The following BTBD2 variants were observed in gnomAD, a reference collection of about 807,000 sequenced individuals.
The protein encoded by BTBD2 is BTB domain containing 2.
In BTBD2, 15 loss-of-function variants were observed where a neutral mutation model predicts 44.0. The observed-to-expected ratio is 0.34, with a 90% confidence interval of 0.23 to 0.53. The LOEUF is 0.53. Ranked by LOEUF, BTBD2 falls within the 20% of genes least tolerant of loss-of-function variation. The pLI, the probability that BTBD2 is intolerant of heterozygous loss-of-function variation, is 0.95. For missense variants in BTBD2, 657 were observed against 746.4 expected (o/e 0.88, Z 1.39); for synonymous variants, 443 against 335.9 (o/e 1.32, Z -3.49).
In BTBD2 at chr19:1,986,378, C is replaced by T; in HGVS notation, c.*110G>A. On this transcript the variant is annotated 3_prime_UTR_variant, in exon 9 of 9. Coordinates refer to ENST00000255608, the MANE Select transcript of BTBD2 (RefSeq NM_017797.4). ...AGGTGGCATGGAGTGGACAGACGGC[C>T]TGGGGGACACTGGGCCTGGCACCGC... 2.9e-6 allele frequency: 4 copies of T among 1,366,402 alleles called. No homozygotes were observed. The highest frequency in any genetic ancestry group is 4.1e-6 in the Non-Finnish European group (4 of 976,644). 84.6% of individuals were successfully genotyped at this position (1,366,402 alleles called of 1,614,324 possible). A position where few individuals can be genotyped will look rare whatever the true frequency, so the allele number is the denominator to read the frequency against.
At position 1,990,069 on chromosome 19, in the gene BTBD2, T is replaced by G. The variant is rs777055280; in HGVS notation, c.923A>C (p.Lys308Thr). The part of the protein sequence containing the change: ...QLQVTPENRR[K>T]VLGKALGLIR... ...GAGGCCCAGGGCCTTGCCCAGAACC[T>G]TCCGCCTGTTCTCTGGCGTCACCTG... The change falls in exon 5 of 9, where the codon AAG (lysine) becomes ACG (threonine). Residue 308 changes from lysine to threonine, a missense_variant. By Grantham distance (78) the Lys-to-Thr change is moderately conservative. Transcript: ENST00000255608. The G allele has an allele frequency of 1.2e-6, 2 of 1,613,354 alleles. No individual in the cohort carries two copies. The highest frequency in any genetic ancestry group is 2.2e-5 in the South Asian group (2 of 91,088).
Position 2,015,498 on chromosome 19 carries a change from G to T in BTBD2, c.206C>A (p.Ala69Glu). Residue 69 changes from alanine to glutamate, a missense_variant, in exon 1 of 9, where the codon GCG becomes GAG. By Grantham distance (107) the Ala-to-Glu change is moderately radical (BLOSUM62 -1). Coordinates refer to ENST00000255608, the MANE Select transcript of BTBD2 (RefSeq NM_017797.4). ...CGCCCGCTCCGCGCCCGCGGCCTGC[G>T]CGTCTGTCCCGGGGCCCGGCGGGGC... ...PPAPPGPGTD[A>E]QAAGAERAEE... 9.0e-7 allele frequency: 1 copy of T among 1,111,782 alleles called. No individual in the cohort carries two copies. The highest frequency in any genetic ancestry group is 1.7e-5 in the African/African-American group (1 of 59,178). The allele number at this position is 1,111,782 out of a possible 1,614,324, so 68.9% of individuals were successfully genotyped here. A position where few individuals can be genotyped will look rare whatever the true frequency, so the allele number is the denominator to read the frequency against.
rs1599364998 is a variant in BTBD2, at chr19:2,015,682, C to A, written c.22G>T (p.Gly8Trp). 2.1e-5 allele frequency: 21 copies of A among 981,906 alleles called. No individual in the cohort carries two copies. The highest frequency in any genetic ancestry group is 2.5e-5 in the Non-Finnish European group (21 of 833,086). The allele number at this position is 981,906 out of a possible 1,614,324, so 60.8% of individuals were successfully genotyped here. A position where few individuals can be genotyped will look rare whatever the true frequency, so the allele number is the denominator to read the frequency against. MAAGGSG[G>W]RASCPPGVGV... ...ACCCCCGGCGGGCACGACGCACGCCCGCCGCTCCCACCCGCCGCCATTTTG... is the reference window on the plus strand; with the variant it reads ...ACCCCCGGCGGGCACGACGCACGCCAGCCGCTCCCACCCGCCGCCATTTTG... The change falls in exon 1 of 9, where the codon GGG becomes TGG. Residue 8 changes from glycine to tryptophan, a missense_variant. Transcript: ENST00000255608.
At position 1,986,812 on chromosome 19, in the gene BTBD2, CT is replaced by C. The variant is rs2016091191; in HGVS notation, c.1416+17del. The C allele has an allele frequency of 6.3e-7, 1 of 1,594,388 alleles. No homozygotes were observed. Among genetic ancestry groups the C allele is most frequent in the Non-Finnish European group, 8.5e-7 (1 of 1,169,950 alleles). ...GCCAGAGACTCCCACGGAGGGACCC[CT>C]GTCCCCGGCGGCGCACCTTGAGCGT... On this transcript the variant is annotated intron_variant, in intron 8 of 8. Transcript: ENST00000255608.
At chr19:1,997,184 A>AG (rs2016262123) in intron 2 of BTBD2, among the ~76,000 whole-genome samples, 160 bp downstream of exon 2, 2 of 151,892 alleles carry the variant, frequency 1.3e-5, no homozygotes, top group African/African-American at 2.4e-5. Flanking sequence ...CATCTCAAAA[A>AG]GAAAAAAAAA....
At chr19:2,011,022 C>T (rs2016457840) in intron 1 of BTBD2, among the ~76,000 whole-genome samples, 1 of 152,044 alleles carries the variant, frequency 6.6e-6, no homozygotes, top group African/African-American at 2.4e-5. Flanking sequence ...AGCCCCAGGA[C>T]AGATGTGTCT....
chr19:1,993,271 AC>A, intron 2 of BTBD2, 95 bp from the exon 3 acceptor site: 1 of 1,444,962 alleles, frequency 6.9e-7, no homozygotes, highest in East Asian at 2.7e-5. Context: ...AGACTCGGCC[AC>A]CGGCCCTTGA....
rs2016087413 is a variant in BTBD2, at chr19:1,986,631, C to T, written c.1435G>A (p.Gly479Ser). 1.2e-6 allele frequency: 2 copies of T among 1,613,798 alleles called. No individual in the cohort carries two copies. The highest frequency in any genetic ancestry group is 1.1e-5 in the South Asian group (1 of 91,082). The change falls in exon 9 of 9, where the codon GGC becomes AGC. Residue 479 changes from glycine (G) to serine (S), a missense_variant. Physicochemically the swap from Gly to Ser is moderately conservative, Grantham distance 56. This residue lies in a region of BTBD2 where 449 missense variants were observed against 510.9 expected (regional missense o/e 0.88). Transcript: ENST00000255608. ...ATLKGPDSHY[G>S]TKGLRKVTHE... Reference sequence around the variant, plus strand: ...GTCACCTTGCGCAGGCCTTTGGTGCCGTAGTGGGAGTCTGGGCCCTGTAGG... The same window carrying T: ...GTCACCTTGCGCAGGCCTTTGGTGCTGTAGTGGGAGTCTGGGCCCTGTAGG...
intron 1 of BTBD2, among the ~76,000 whole-genome samples, chr19:1,997,730 CCTCT>C (rs925843762): frequency 2.0e-5 from 3 of 151,960 alleles, no homozygotes; most frequent in Admixed American, 6.6e-5. Context: ...CCCTCACCAT[CCTCT>C]CTCTTTCCTT....
chr19:1,993,037 A>G lies in BTBD2; in HGVS notation c.667T>C (p.Phe223Leu). 1 of 1,597,326 alleles carries G rather than the reference A, an allele frequency of 6.3e-7. No individual in the cohort carries two copies. Among genetic ancestry groups the G allele is most frequent in the Non-Finnish European group, 8.5e-7 (1 of 1,176,556 alleles). The change falls in exon 3 of 9, where the codon TTC (phenylalanine) becomes CTC (leucine). Residue 223 changes from phenylalanine (F) to leucine (L), a missense_variant. By Grantham distance (22) the Phe-to-Leu change is conservative. This residue lies in a region of BTBD2 where 449 missense variants were observed against 510.9 expected (regional missense o/e 0.88). Coordinates refer to ENST00000255608, the MANE Select transcript of BTBD2 (RefSeq NM_017797.4). ...CCGCCCACCTGCGTGAGCAGCATGA[A>G]GGCGTTGTCGGCTCGCAGGTTCTTC... ...LKKNLRADNA[F>L]MLLTQARLFD...
intron 1 of BTBD2, 137 bp from the exon 2 acceptor site, chr19:1,997,600 A>G (rs2016268640): frequency 1.5e-6 from 2 of 1,308,828 alleles, no homozygotes; most frequent in African/African-American, 1.5e-5. Flanking sequence ...AGGCCCCCCG[A>G]TGGCAGAGGC....
intron 2 of BTBD2, 125 bp from the exon 3 acceptor site, chr19:1,993,301 C>A: frequency 7.4e-7 from 1 of 1,342,600 alleles, no homozygotes; most frequent in Non-Finnish European, 9.9e-7. Flanking sequence ...GACCCAAACA[C>A]CCACATCAGG....
chr19:2,012,339 A>T (rs926018291), intron 1 of BTBD2, among the ~76,000 whole-genome samples: 2 of 149,108 alleles, frequency 1.3e-5, no homozygotes, highest in African/African-American at 5.1e-5. Context: ...TTTTGTAGAG[A>T]CAGGGTTTCA....
At chr19:2,014,261 G>C (rs1375922340) in intron 1 of BTBD2, 1 of 152,372 alleles carries the variant, frequency 6.6e-6, no homozygotes, top group Non-Finnish European at 1.5e-5. Context: ...TGGGGATGGA[G>C]GGGTCCTGAG....
At position 2,009,158 on chromosome 19, in the gene BTBD2, A is replaced by G. The variant is rs900502933; in HGVS notation, c.407+6139T>C. On this transcript the variant is annotated intron_variant, in intron 1 of 8. Coordinates refer to ENST00000255608, the MANE Select transcript of BTBD2 (RefSeq NM_017797.4). The stretch of plus-strand genomic sequence containing the variant: ...CTCAGCCTCCCCAGTAGCTGGGGTT[A>G]CAGGCGCTCGCCACCACGCCCGGCT... Among the ~76,000 whole-genome samples, 4 of 151,702 alleles carry G rather than the reference A, an allele frequency of 2.6e-5. No individual in the cohort carries two copies. The East Asian group carries it at 7.8e-4, about 30-fold the overall frequency.
chr19:1,990,288 G>T, intron 4 of BTBD2, 87 bp from the exon 5 acceptor site: 2 of 1,443,650 alleles, frequency 1.4e-6, no homozygotes, highest in Non-Finnish European at 1.9e-6. Flanking sequence ...AGGACCAGCA[G>T]TTAAAGCCGG....
At chr19:1,993,995 C>CAAAAAA (rs542137742) in intron 2 of BTBD2, among the ~76,000 whole-genome samples, 11 of 24,962 alleles carry the variant, frequency 4.4e-4, no homozygotes, top group Non-Finnish European at 7.1e-4. Flanking sequence ...GAATCCGTCT[C>CAAAAAA]AAAAAAAAAA....
In BTBD2 at chr19:2,015,575, G is replaced by GGCGGCGGCGGCC. The variant is rs2016525386; in HGVS notation, c.128_129insGGCCGCCGCCGC (p.Ala51_Ala54dup). The GGCGGCGGCGGCC allele has an allele frequency of 1.2e-6, 1 of 849,448 alleles. No individual in the cohort carries two copies. Among genetic ancestry groups the GGCGGCGGCGGCC allele is most frequent in the Non-Finnish European group, 1.4e-6 (1 of 723,704 alleles). 52.6% of individuals were successfully genotyped at this position (849,448 alleles called of 1,614,324 possible). On this transcript the variant is annotated inframe_insertion, in exon 1 of 9. Transcript: ENST00000255608. ...CGGCGGCGGCGGCGGCGGCGGCGGC[G>GGCGGCGGCGGCC]GCGGCCGCGTTGCCGGGGGCCGGGG...
intron 2 of BTBD2, among the ~76,000 whole-genome samples, chr19:1,996,099 A>C (rs112092223): frequency 4.7e-5 from 7 of 149,484 alleles, no homozygotes; most frequent in Admixed American, 3.3e-4. Flanking sequence ...CTTGCAAAAA[A>C]TTATTTAACC....
Sources: allele counts gnomAD v4.1 joint callset (sites outside exome capture counted in the v4.1 genomes callset), GRCh38; gene constraint gnomAD v4.1.1; regional missense constraint gnomAD v4.1.1; transcripts MANE v1.5; gene names NCBI Gene and HGNC (gene_info 2026-07-23, HGNC 2026-07-21).